Variants in MARCHF1 observed in about 807,000 individuals in gnomAD.
MARCHF1 encodes membrane associated ring-CH-type finger 1.
Under a neutral mutation model 54.2 loss-of-function variants are expected in MARCHF1, and 40 were observed. That is an observed-to-expected ratio of 0.74 (90% CI 0.57 to 0.96). MARCHF1 has a LOEUF of 0.96. Among genes scored for constraint, MARCHF1 ranks in the 40% least tolerant of loss-of-function variants. The pLI is 0.00. For missense variants in MARCHF1, 586 were observed against 656.5 expected, an observed-to-expected ratio of 0.89 and a Z score of 1.17; for synonymous variants, 236 against 236.3, an observed-to-expected ratio of 1.00 and a Z score of 0.01.
At chr4:164,281,674 G>A (rs1415159585) in intron 1 of MARCHF1, among the ~76,000 whole-genome samples, 9 of 152,098 alleles carry the variant, frequency 5.9e-5, no homozygotes, top group Admixed American at 5.9e-4. Flanking sequence ...AAGCTAAAGG[G>A]TCTGGGTCTT....
At chr4:163,627,099 T>A (rs1472846835) in intron 5 of MARCHF1, among the ~76,000 whole-genome samples, 1 of 152,238 alleles carries the variant, frequency 6.6e-6, no homozygotes, top group Admixed American at 6.5e-5. Flanking sequence ...TGACCTGGTC[T>A]AACCCTCATC....
chr4:163,932,071 AC>A (rs545534731), intron 3 of MARCHF1, among the ~76,000 whole-genome samples: 1 of 152,132 alleles, frequency 6.6e-6, no homozygotes, highest in African/African-American at 2.4e-5. Flanking sequence ...CATTATATCA[AC>A]AAAACAATGT....
At chr4:164,264,739 G>C (rs745855621) in intron 1 of MARCHF1, among the ~76,000 whole-genome samples, 2 of 151,982 alleles carry the variant, frequency 1.3e-5, no homozygotes, top group Non-Finnish European at 2.9e-5. Flanking sequence ...GGCCAACATG[G>C]TGAAACCCCA....
chr4:163,637,010 T>G (rs1742356119), intron 5 of MARCHF1, among the ~76,000 whole-genome samples: 1 of 151,842 alleles, frequency 6.6e-6, no homozygotes, highest in South Asian at 2.1e-4. Context: ...ATTCCCTATT[T>G]AATCAATGGT....
At chr4:163,931,858 C>T (rs1340130140) in intron 3 of MARCHF1, among the ~76,000 whole-genome samples, 1 of 152,166 alleles carries the variant, frequency 6.6e-6, no homozygotes, top group Non-Finnish European at 1.5e-5. Context: ...TTTGGATTTA[C>T]CAAATCTCCA....
At chr4:163,664,320 T>A (rs1017156521) in intron 5 of MARCHF1, among the ~76,000 whole-genome samples, 4 of 152,198 alleles carry the variant, frequency 2.6e-5, no homozygotes, top group African/African-American at 9.6e-5. Flanking sequence ...AAAGATACTT[T>A]GAAATACAGT....
chr4:164,080,648 T>C (rs1755075267), intron 2 of MARCHF1, among the ~76,000 whole-genome samples: 1 of 150,010 alleles, frequency 6.7e-6, no homozygotes, highest in South Asian at 2.1e-4. Context: ...TAGTATTCTA[T>C]TGTGTGTGTG....
At chr4:164,034,359 A>T (rs1753949808) in intron 2 of MARCHF1, among the ~76,000 whole-genome samples, 1 of 152,186 alleles carries the variant, frequency 6.6e-6, no homozygotes, top group South Asian at 2.1e-4. Flanking sequence ...GGGAATGCTT[A>T]CACGCAGTTG....
chr4:164,242,098 T>G (rs372132712), intron 1 of MARCHF1, among the ~76,000 whole-genome samples: 3 of 151,858 alleles, frequency 2.0e-5, no homozygotes, highest in African/African-American at 4.8e-5. Flanking sequence ...CAAAGCAGCC[T>G]GGAAGCTCGA....
chr4:163,742,884 A>C (rs1045993147), intron 4 of MARCHF1, among the ~76,000 whole-genome samples: 2 of 152,150 alleles, frequency 1.3e-5, no homozygotes, highest in Non-Finnish European at 2.9e-5. Flanking sequence ...ACTGGTTTTT[A>C]ATTAAAGAAT....
intron 2 of MARCHF1, among the ~76,000 whole-genome samples, chr4:164,054,387 A>C (rs1291841630): frequency 6.6e-6 from 1 of 151,880 alleles, no homozygotes; most frequent in Non-Finnish European, 1.5e-5. Context: ...GGGATCTAGA[A>C]CTGGAAATAC....
At chr4:164,188,795 T>C in intron 1 of MARCHF1, 1 of 867,546 alleles carries the variant, frequency 1.2e-6, no homozygotes, top group Admixed American at 1.7e-5. Flanking sequence ...AACAAAGACA[T>C]TTGCTCCTGA....
At chr4:163,917,022 T>C (rs1282809730) in intron 3 of MARCHF1, among the ~76,000 whole-genome samples, 1 of 152,120 alleles carries the variant, frequency 6.6e-6, no homozygotes, top group African/African-American at 2.4e-5. Flanking sequence ...TCCCCACAAC[T>C]CCTGACAACC....
At chr4:163,810,755 T>C (rs1050014206) in intron 4 of MARCHF1, among the ~76,000 whole-genome samples, 3 of 151,888 alleles carry the variant, frequency 2.0e-5, no homozygotes, top group Non-Finnish European at 3.0e-5. Context: ...TCTTTAATAC[T>C]TTCTGCTAGT....
chr4:163,698,774 GTA>G (rs2111224293), intron 5 of MARCHF1, among the ~76,000 whole-genome samples: 3 of 152,280 alleles, frequency 2.0e-5, no homozygotes, highest in African/African-American at 7.2e-5. Context: ...TCATGAAACA[GTA>G]TTTGGTGTGA....
intron 7 of MARCHF1, among the ~76,000 whole-genome samples, chr4:163,607,671 G>C (rs562817190): frequency 1.3e-5 from 2 of 152,056 alleles, no homozygotes; most frequent in African/African-American, 4.8e-5. Flanking sequence ...TAGACATTTG[G>C]CTTTTCAAAT....
At chr4:163,644,851 A>G (rs1209971696) in intron 5 of MARCHF1, among the ~76,000 whole-genome samples, 1 of 152,172 alleles carries the variant, frequency 6.6e-6, no homozygotes, top group Non-Finnish European at 1.5e-5. Context: ...CATCTTCAAA[A>G]GTCCCTATAA....
intron 1 of MARCHF1, among the ~76,000 whole-genome samples, chr4:164,321,423 A>C (rs76461947): frequency 0.014 from 2,057 of 152,242 alleles, 47 homozygotes; most frequent in African/African-American, 0.046. Context: ...TTCATAATGG[A>C]GAAAAGATAC....
intron 3 of MARCHF1, among the ~76,000 whole-genome samples, chr4:163,973,674 A>G (rs1752594677): frequency 6.6e-6 from 1 of 152,240 alleles, no homozygotes; most frequent in African/African-American, 2.4e-5. Flanking sequence ...GGCAAAAGTC[A>G]ATCTTAATAC....
Sources: gnomAD v4.1 joint callset for allele counts (sites outside exome capture counted in the v4.1 genomes callset) on GRCh38, gnomAD v4.1.1 for gene constraint, MANE v1.5 for transcripts, NCBI Gene and HGNC (gene_info 2026-07-23, HGNC 2026-07-21) for gene names.